Variants in ZNRF2 observed in about 807,000 individuals in gnomAD.
ZNRF2 encodes zinc and ring finger 2, also known as E3 ubiquitin-protein ligase ZNRF2.
A neutral mutation model predicts 20.4 loss-of-function variants in ZNRF2; 16 were observed. The ratio of observed to expected loss-of-function variants is 0.79; its 90% confidence interval spans 0.53 to 1.19. ZNRF2 has a LOEUF of 1.19. Among genes scored for constraint, ZNRF2 ranks in the 50% most tolerant of loss-of-function variants. The pLI is 0.00. For missense variants in ZNRF2, 363 were observed against 332.4 expected (o/e 1.09, Z -0.72); for synonymous variants, 178 against 144.9 (o/e 1.23, Z -1.64).
At chr7:30,316,288 CAAAAAAAAAA>C (rs60218988) in intron 1 of ZNRF2, among the ~76,000 whole-genome samples, 599 of 27,476 alleles carry the variant, frequency 0.022, 2 homozygotes, top group African/African-American at 0.05. Flanking sequence ...AACTCCATCT[CAAAAAAAAAA>C]AAAAAAAAAA....
intron 3 of ZNRF2, among the ~76,000 whole-genome samples, chr7:30,358,647 C>T (rs371245014): frequency 6.6e-5 from 10 of 152,166 alleles, no homozygotes; most frequent in Non-Finnish European, 1.3e-4. Context: ...GGGACTTGTC[C>T]TGTACAGATT....
At chr7:30,296,841 A>C (rs532570060) in intron 1 of ZNRF2, among the ~76,000 whole-genome samples, 15 of 152,340 alleles carry the variant, frequency 9.8e-5, no homozygotes, top group African/African-American at 3.6e-4. Flanking sequence ...ACTTTCATAT[A>C]GTAATGTATG....
At chr7:30,289,425 CA>C (rs1798855120) in intron 1 of ZNRF2, among the ~76,000 whole-genome samples, 1 of 152,134 alleles carries the variant, frequency 6.6e-6, no homozygotes, top group African/African-American at 2.4e-5. Flanking sequence ...TATCAAGTGC[CA>C]AAATGTTTGA....
At chr7:30,304,743 T>C (rs1207534843) in intron 1 of ZNRF2, among the ~76,000 whole-genome samples, 2 of 152,122 alleles carry the variant, frequency 1.3e-5, no homozygotes, top group African/African-American at 4.8e-5. Context: ...GGGTAAATCA[T>C]TGAGAGAGCT....
intron 1 of ZNRF2, among the ~76,000 whole-genome samples, chr7:30,319,882 C>G (rs1271451087): frequency 1.3e-5 from 2 of 152,300 alleles, no homozygotes; most frequent in East Asian, 3.9e-4. Context: ...CAAGATGATC[C>G]TGCTGTTCCC....
At chr7:30,351,178 G>GA (rs1219398415) in intron 2 of ZNRF2, among the ~76,000 whole-genome samples, 1 of 151,880 alleles carries the variant, frequency 6.6e-6, no homozygotes, top group Admixed American at 6.6e-5. Flanking sequence ...AAGAGCTTGA[G>GA]AAGCTGTAAG....
intron 2 of ZNRF2, among the ~76,000 whole-genome samples, chr7:30,340,452 G>A (rs1799777136): frequency 6.6e-6 from 1 of 152,206 alleles, no homozygotes; most frequent in African/African-American, 2.4e-5. Context: ...TTTTTAGCAT[G>A]AAGGGGTGTT....
At chr7:30,327,611 T>TG (rs1799573043) in intron 2 of ZNRF2, among the ~76,000 whole-genome samples, 1 of 152,060 alleles carries the variant, frequency 6.6e-6, no homozygotes, top group African/African-American at 2.4e-5. Context: ...ATCTAGAAAT[T>TG]AATAAATTTC....
At position 30,285,718 on chromosome 7, in the gene ZNRF2, C is replaced by A; in HGVS notation, c.361C>A (p.Pro121Thr). Residue 121 changes from proline to threonine, a missense_variant, in exon 1 of 5, where the codon CCT (proline) becomes ACT (threonine). Transcript: ENST00000323037. ...YGSQDSVHSS[P>T]EDGGGGRDRP... The stretch of plus-strand genomic sequence containing the variant: ...CTCGCAGGACTCGGTGCACAGCAGC[C>A]CTGAGGACGGCGGCGGCGGCCGGGA... The A allele has an allele frequency of 6.8e-7, 1 of 1,481,140 alleles. No homozygotes were observed. The highest frequency in any genetic ancestry group is 8.9e-7 in the Non-Finnish European group (1 of 1,122,746). 91.7% of individuals were successfully genotyped at this position (1,481,140 alleles called of 1,614,324 possible).
At chr7:30,340,699 CT>C (rs918955840) in intron 2 of ZNRF2, among the ~76,000 whole-genome samples, 11 of 148,804 alleles carry the variant, frequency 7.4e-5, no homozygotes, top group African/African-American at 9.9e-5. Flanking sequence ...CTGAAATTTT[CT>C]TTTTTTTTTG....
intron 3 of ZNRF2, among the ~76,000 whole-genome samples, chr7:30,360,589 G>A (rs1800111752): frequency 6.6e-6 from 1 of 152,060 alleles, no homozygotes; most frequent in Non-Finnish European, 1.5e-5. Context: ...CTACCCAGGA[G>A]GCTGAGGCAG....
intron 1 of ZNRF2, among the ~76,000 whole-genome samples, chr7:30,323,103 A>G (rs1485112953): frequency 6.6e-6 from 1 of 152,194 alleles, no homozygotes; most frequent in Non-Finnish European, 1.5e-5. Context: ...CAGAAAGACC[A>G]TTAAAGTAGA....
At chr7:30,333,689 T>G (rs1000396511) in intron 2 of ZNRF2, among the ~76,000 whole-genome samples, 1 of 152,204 alleles carries the variant, frequency 6.6e-6, no homozygotes, top group Non-Finnish European at 1.5e-5. Flanking sequence ...TTTTTAATAG[T>G]AGTCATTCTG....
intron 1 of ZNRF2, among the ~76,000 whole-genome samples, chr7:30,304,997 CA>C (rs1412772187): frequency 6.6e-6 from 1 of 152,082 alleles, no homozygotes; most frequent in Non-Finnish European, 1.5e-5. Flanking sequence ...AGGAAATACT[CA>C]AAACTTATGT....
chr7:30,287,702 CTAG>C (rs1175928594), intron 1 of ZNRF2, among the ~76,000 whole-genome samples: 1 of 151,684 alleles, frequency 6.6e-6, no homozygotes, highest in Non-Finnish European at 1.5e-5. Context: ...TGACTGGGGC[CTAG>C]TAGTACAGTG....
At chr7:30,338,817 T>C (rs983314505) in intron 2 of ZNRF2, among the ~76,000 whole-genome samples, 2 of 152,212 alleles carry the variant, frequency 1.3e-5, no homozygotes, top group African/African-American at 4.8e-5. Context: ...TGTCAAATGG[T>C]ATTTCTGGTT....
intron 1 of ZNRF2, among the ~76,000 whole-genome samples, chr7:30,310,412 A>G (rs1799273858): frequency 6.6e-6 from 1 of 152,210 alleles, no homozygotes; most frequent in Non-Finnish European, 1.5e-5. Context: ...GCAAATGTCT[A>G]GTAAAGGGCC....
At chr7:30,310,731 C>G (rs1799279124) in intron 1 of ZNRF2, among the ~76,000 whole-genome samples, 1 of 152,160 alleles carries the variant, frequency 6.6e-6, no homozygotes, top group South Asian at 2.1e-4. Context: ...TAGCCATTTT[C>G]TTAAGCATAC....
chr7:30,357,365 A>G (rs756477444), intron 3 of ZNRF2, among the ~76,000 whole-genome samples: 3 of 152,174 alleles, frequency 2.0e-5, no homozygotes, highest in Non-Finnish European at 1.5e-5. Context: ...ACCCTCATAC[A>G]TACTTTTGAG....
Sources: allele counts gnomAD v4.1 joint callset (sites outside exome capture counted in the v4.1 genomes callset), GRCh38; gene constraint gnomAD v4.1.1; transcripts MANE v1.5; gene names NCBI Gene and HGNC (gene_info 2026-07-23, HGNC 2026-07-21).